The following ZNF846 variants were observed in gnomAD, a reference collection of about 807,000 sequenced individuals.
The protein encoded by ZNF846 is zinc finger protein 846, also known as zinc finger protein 420 pseudogene.
In ZNF846, 15 loss-of-function variants were observed where a neutral mutation model predicts 16.0. The ratio of observed to expected loss-of-function variants is 0.94; its 90% CI spans 0.63 to 1.45. The LOEUF (loss-of-function observed/expected upper bound fraction) is 1.45. ZNF846 is among the 40% of genes most tolerant of loss of function. The pLI is 0.00. For missense variants in ZNF846, 714 were observed against 622.3 expected (o/e 1.15, Z -1.57); for synonymous variants, 229 against 212.0 (o/e 1.08, Z -0.70).
At chr19:9,760,576 C>T (rs915907965) in intron 4 of ZNF846, among the ~76,000 whole-genome samples, 13 of 151,026 alleles carry the variant, frequency 8.6e-5, no homozygotes, top group Non-Finnish European at 1.5e-4. Context: ...TGGTGTACAC[C>T]TGTAATCCCA....
exon 6 of ZNF846, chr19:9,757,998 T>C (rs1041288467): frequency 6.2e-6 from 10 of 1,613,652 alleles, no homozygotes; most frequent in Non-Finnish European, 8.5e-6. Flanking sequence ...CTCTCCACTG[T>C]GAATCCTTAC....
At chr19:9,760,727 T>C (rs1166749602) in intron 4 of ZNF846, among the ~76,000 whole-genome samples, 1 of 150,678 alleles carries the variant, frequency 6.6e-6, no homozygotes, top group Admixed American at 6.6e-5. Context: ...TATATATACA[T>C]ATATATATAG....
chr19:9,759,485 C>A (rs1470473778), intron 5 of ZNF846, among the ~76,000 whole-genome samples: 1 of 151,464 alleles, frequency 6.6e-6, no homozygotes, highest in Non-Finnish European at 1.5e-5. Context: ...TGCCTGTAGT[C>A]TCAGCTATTC....
chr19:9,784,771 G>A (rs1485640590), intron 1 of ZNF846, among the ~76,000 whole-genome samples: 2 of 152,102 alleles, frequency 1.3e-5, no homozygotes, highest in African/African-American at 4.8e-5. Context: ...CTGGGTAACC[G>A]AGAATGGAGC....
chr19:9,753,828 G>A (rs1215574739), downstream of ZNF846, among the ~76,000 whole-genome samples: 1 of 151,612 alleles, frequency 6.6e-6, no homozygotes, highest in Non-Finnish European at 1.5e-5. Context: ...CCTAACACAT[G>A]GTTTCTCCTG....
intron 2 of ZNF846, among the ~76,000 whole-genome samples, chr19:9,764,613 G>A (rs2045284495): frequency 6.6e-6 from 1 of 152,166 alleles, no homozygotes; most frequent in African/African-American, 2.4e-5. Flanking sequence ...TGTTGGCACT[G>A]TGGGACCAGA....
At chr19:9,763,282 C>A in exon 3 of ZNF846, 1 of 1,575,438 alleles carries the variant, frequency 6.3e-7, no homozygotes, top group Non-Finnish European at 8.6e-7. Flanking sequence ...CCAGTTTTAC[C>A]TAGTATAATG....
exon 1 of ZNF846, chr19:9,786,088 T>G (rs1455995785): frequency 6.7e-6 from 1 of 149,714 alleles, no homozygotes; most frequent in Non-Finnish European, 1.5e-5. Flanking sequence ...GCCTGAGGAG[T>G]TGGGAGGGGC....
At chr19:9,756,207 G>C (rs576841235), downstream of ZNF846, 2 of 150,260 alleles carry the variant, frequency 1.3e-5, no homozygotes, top group Non-Finnish European at 2.9e-5. Flanking sequence ...AGTAAGACTT[G>C]TAAAATGGAT....
At chr19:9,752,231 T>A (rs913461735) in exon 6 of ZNF846, 2 of 167,410 alleles carry the variant, frequency 1.2e-5, no homozygotes, top group African/African-American at 4.8e-5. Context: ...ATCTTGATAT[T>A]CATTAGGGCA....
rs894227834 is a variant in ZNF846, at chr19:9,780,159, G to C, written c.-86+5779C>G. 8.1e-4 allele frequency among the ~76,000 whole-genome samples: 122 copies of C among 150,676 alleles called. 7 individuals carry two copies. ...CCCTACCTCAGCCTCTTAAGTGCTG[G>C]AATTATAGGCATGAGCCACTGCACC... On this transcript the variant is annotated intron_variant, in intron 1 of 4. Transcript: ENST00000586814.
chr19:9,770,856 A>G (rs954673319), upstream of ZNF846, among the ~76,000 whole-genome samples: 3 of 152,130 alleles, frequency 2.0e-5, no homozygotes, highest in Non-Finnish European at 4.4e-5. Flanking sequence ...GCAACTGAGC[A>G]CAACTGTCTC....
intron 1 of ZNF846, among the ~76,000 whole-genome samples, chr19:9,784,729 G>A (rs1481927193): frequency 1.3e-5 from 2 of 152,120 alleles, no homozygotes; most frequent in African/African-American, 4.8e-5. Flanking sequence ...TTGGGCAGAG[G>A]TGCCTGCGGC....
In ZNF846 at chr19:9,758,587, G is replaced by C. The variant is rs757762665; in HGVS notation, c.490C>G (p.His164Asp). The change falls in exon 6 of 6, where the codon CAT becomes GAT. Residue 164 changes from histidine (H) to aspartate (D), a missense_variant. Transcript: ENST00000397902. Reference sequence around the variant, plus strand: ...CACTTAGGCATTTTCCCCTCAGCATGACTTTTCTTGTAAAAACTATGAGGA... The same window carrying C: ...CACTTAGGCATTTTCCCCTCAGCATCACTTTTCTTGTAAAAACTATGAGGA... 2.5e-6 allele frequency: 4 copies of C among 1,612,662 alleles called. No individual in the cohort carries two copies. The Admixed American group carries it at 5.0e-5, about 20-fold the overall frequency.
upstream of ZNF846, among the ~76,000 whole-genome samples, chr19:9,770,431 C>G (rs556315185): frequency 3.2e-4 from 48 of 150,002 alleles, no homozygotes; most frequent in African/African-American, 1.2e-3. Context: ...AAATAAGATT[C>G]CATTGTATGG....
At chr19:9,768,769 G>T (rs1304070820), upstream of ZNF846, 3 of 152,344 alleles carry the variant, frequency 2.0e-5, no homozygotes, top group African/African-American at 4.8e-5. Context: ...TTCCGCTTCC[G>T]GTTGCGCACG....
chr19:9,777,163 A>G (rs1180956094), intron 1 of ZNF846, among the ~76,000 whole-genome samples: 1 of 150,918 alleles, frequency 6.6e-6, no homozygotes, highest in African/African-American at 2.5e-5. Flanking sequence ...ACACACACAC[A>G]CACACACACA....
downstream of ZNF846, among the ~76,000 whole-genome samples, chr19:9,753,944 G>A (rs966752189): frequency 6.6e-6 from 1 of 151,554 alleles, no homozygotes; most frequent in Admixed American, 6.6e-5. Context: ...TGATATTATC[G>A]TGGCTGTTCT....
At chr19:9,768,675 A>C (rs2045359150), upstream of ZNF846, 1 of 152,332 alleles carries the variant, frequency 6.6e-6, no homozygotes, top group South Asian at 2.1e-4. Flanking sequence ...GCCTAGGTTG[A>C]GCATGAGCGC....
Sources: gnomAD v4.1 joint callset for allele counts (sites outside exome capture counted in the v4.1 genomes callset) on GRCh38, gnomAD v4.1.1 for gene constraint, MANE v1.5 for transcripts, NCBI Gene and HGNC (gene_info 2026-07-23, HGNC 2026-07-21) for gene names.